Variants in AMBRA1 observed in about 807,000 individuals in gnomAD.
AMBRA1 encodes the protein autophagy and beclin 1 regulator 1.
In AMBRA1, 47 loss-of-function variants were observed where a neutral mutation model predicts 125.4. The observed-to-expected ratio is 0.37, with a 90% CI of 0.30 to 0.48. The LOEUF (loss-of-function observed/expected upper bound fraction) is 0.48. Among genes scored for constraint, AMBRA1 ranks in the 20% least tolerant of loss-of-function variants. The probability of loss-of-function intolerance (pLI) is 0.99; values close to 1 mark genes in which losing one functional copy is unlikely to be tolerated. For missense variants in AMBRA1, 1,331 were observed against 1,693.4 expected (o/e 0.79, Z 3.76); for synonymous variants, 626 against 655.5 (o/e 0.95, Z 0.69).
intron 1 of AMBRA1, among the ~76,000 whole-genome samples, chr11:46,592,914 CAA>C (rs991780359): frequency 5.3e-5 from 8 of 152,014 alleles, no homozygotes; most frequent in African/African-American, 1.9e-4. Flanking sequence ...ATAAGATTTC[CAA>C]AGAGGCTGGG....
At chr11:46,410,226 G>T in intron 16 of AMBRA1, 50 bp downstream of exon 16, 1 of 1,578,248 alleles carries the variant, frequency 6.3e-7, no homozygotes, top group Non-Finnish European at 8.7e-7. Context: ...AAAGCAGGAG[G>T]AAGGGATGGG....
chr11:46,529,263 T>C (rs1265498922), intron 7 of AMBRA1, among the ~76,000 whole-genome samples: 1 of 152,248 alleles, frequency 6.6e-6, no homozygotes, highest in African/African-American at 2.4e-5. Flanking sequence ...ATCTGCTCAC[T>C]AGTGAGCCTC....
chr11:46,488,467 A>C (rs1431269759), intron 11 of AMBRA1, among the ~76,000 whole-genome samples: 2 of 152,118 alleles, frequency 1.3e-5, no homozygotes, highest in African/African-American at 4.8e-5. Flanking sequence ...AAAACAAAAA[A>C]AAAAACTGAC....
chr11:46,547,007 G>A, intron 4 of AMBRA1, 106 bp downstream of exon 4: 1 of 1,057,594 alleles, frequency 9.5e-7, no homozygotes, highest in Admixed American at 2.5e-5. Context: ...GGAGACGGAG[G>A]TTGCAGCGAG....
intron 15 of AMBRA1, among the ~76,000 whole-genome samples, chr11:46,411,495 G>C (rs746978331): frequency 7.6e-4 from 116 of 152,308 alleles, no homozygotes; most frequent in Non-Finnish European, 1.4e-3. Context: ...CTGAGATGGA[G>C]TCTCACTCTG....
chr11:46,511,050 G>C (rs1403329062), intron 8 of AMBRA1, among the ~76,000 whole-genome samples: 1 of 152,174 alleles, frequency 6.6e-6, no homozygotes, highest in African/African-American at 2.4e-5. Flanking sequence ...CACTTTCCGT[G>C]ATAAAGATCA....
intron 7 of AMBRA1, among the ~76,000 whole-genome samples, chr11:46,528,675 G>A (rs61882744): frequency 1.2e-3 from 188 of 152,256 alleles, no homozygotes; most frequent in African/African-American, 3.7e-3. Flanking sequence ...TTTCAGTCAC[G>A]CAAGATGAAG....
intron 9 of AMBRA1, among the ~76,000 whole-genome samples, chr11:46,498,100 C>T (rs1485631941): frequency 6.6e-6 from 1 of 152,156 alleles, no homozygotes; most frequent in East Asian, 1.9e-4. Context: ...TTTGGTCAGG[C>T]AGGCAGAGGC....
At chr11:46,489,282 T>C (rs1239513696) in intron 11 of AMBRA1, among the ~76,000 whole-genome samples, 1 of 152,040 alleles carries the variant, frequency 6.6e-6, no homozygotes, top group African/African-American at 2.4e-5. Context: ...GTGTTCTCAT[T>C]GTTCAATTCT....
chr11:46,454,855 C>T (rs1262708228), intron 11 of AMBRA1, among the ~76,000 whole-genome samples: 1 of 148,964 alleles, frequency 6.7e-6, no homozygotes. Context: ...AGTAAGTGAA[C>T]AAGGAATCTG....
intron 1 of AMBRA1, among the ~76,000 whole-genome samples, chr11:46,561,096 T>C (rs1458315706): frequency 6.6e-6 from 1 of 152,110 alleles, no homozygotes; most frequent in Non-Finnish European, 1.5e-5. Flanking sequence ...AAGAATATTG[T>C]TGGGCCAGGC....
intron 11 of AMBRA1, among the ~76,000 whole-genome samples, chr11:46,455,721 C>T (rs915703722): frequency 6.6e-6 from 1 of 152,176 alleles, no homozygotes; most frequent in African/African-American, 2.4e-5. Flanking sequence ...AGTAATAATC[C>T]CCAATGATTC....
rs150605321 is a variant in AMBRA1, at chr11:46,542,873, T to C, written c.1144A>G (p.Thr382Ala). The C allele has an allele frequency of 6.2e-7, 1 of 1,612,364 alleles. No individual in the cohort carries two copies. The highest frequency in any genetic ancestry group is 1.3e-5 in the African/African-American group (1 of 74,548). Reference protein sequence around the residue: ...STVQSSTAGNTLRNLSLGPTR... With the variant: ...STVQSSTAGNALRNLSLGPTR... Reference sequence around the variant, plus strand: ...GGACCCAGACTGAGGTTGCGGAGCGTGTTGCCGGCAGTGCTGCTCTGGACT... The same window carrying C: ...GGACCCAGACTGAGGTTGCGGAGCGCGTTGCCGGCAGTGCTGCTCTGGACT... The change falls in exon 7 of 18, where the codon ACG becomes GCG. Residue 382 changes from threonine (T) to alanine (A), a missense_variant. Thr to Ala is a moderately conservative substitution (Grantham distance 58, BLOSUM62 0). This residue lies in a region of AMBRA1 where 689 missense variants were observed against 776.5 expected (regional missense o/e 0.89). Transcript: ENST00000683756. The surrounding 1 kb of genome is among the most constrained non-coding windows in gnomAD (Gnocchi z 5.9).
chr11:46,513,230 T>G (rs999810459), intron 7 of AMBRA1, among the ~76,000 whole-genome samples: 1 of 151,376 alleles, frequency 6.6e-6, no homozygotes, highest in Admixed American at 6.6e-5. Context: ...CACATCTACT[T>G]CCTGTCTATC....
chr11:46,540,703 G>A (rs566137429), intron 7 of AMBRA1, among the ~76,000 whole-genome samples: 1 of 152,260 alleles, frequency 6.6e-6, no homozygotes, highest in Middle Eastern at 3.4e-3. Context: ...ACTTGATTTT[G>A]CAAAGCCTTC....
At chr11:46,501,413 G>T (rs1416946318) in intron 9 of AMBRA1, among the ~76,000 whole-genome samples, 1 of 152,224 alleles carries the variant, frequency 6.6e-6, no homozygotes, top group Non-Finnish European at 1.5e-5. Flanking sequence ...GGTTCTCCCT[G>T]TGCACCCTGA....
At chr11:46,400,825 T>C (rs1437314041) in intron 17 of AMBRA1, among the ~76,000 whole-genome samples, 1 of 152,104 alleles carries the variant, frequency 6.6e-6, no homozygotes, top group East Asian at 1.9e-4. Context: ...ATGTCCTCTC[T>C]TGCTTTTCTG....
chr11:46,592,615 G>C (rs889810580), intron 1 of AMBRA1, among the ~76,000 whole-genome samples: 3 of 152,042 alleles, frequency 2.0e-5, no homozygotes, highest in African/African-American at 7.2e-5. Flanking sequence ...AAAATTAGCC[G>C]AGTGTGGTGG....
At chr11:46,530,185 C>T (rs1211313392) in intron 7 of AMBRA1, among the ~76,000 whole-genome samples, 1 of 150,282 alleles carries the variant, frequency 6.7e-6, no homozygotes, top group Non-Finnish European at 1.5e-5. Flanking sequence ...ATTTGCAGCA[C>T]ACATACAGAC....
Sources: allele counts gnomAD v4.1 joint callset (sites outside exome capture counted in the v4.1 genomes callset), GRCh38; gene constraint gnomAD v4.1.1; regional missense constraint gnomAD v4.1.1; non-coding constraint Gnocchi (gnomAD v3.1); transcripts MANE v1.5; gene names NCBI Gene and HGNC (gene_info 2026-07-23, HGNC 2026-07-21).